Variants in SH3BP5L observed in about 807,000 individuals in gnomAD.
The protein encoded by SH3BP5L is SH3 binding domain protein 5 like.
In SH3BP5L, 16 loss-of-function variants were observed where a neutral mutation model predicts 40.9. The ratio of observed to expected loss-of-function variants is 0.39; its 90% CI spans 0.27 to 0.59. The LOEUF (loss-of-function observed/expected upper bound fraction) is 0.59, where lower values mean the gene tolerates loss of function less well. SH3BP5L is among the 20% of genes least tolerant of loss of function. SH3BP5L has a pLI of 0.53. For missense variants in SH3BP5L, 471 were observed against 544.6 expected (o/e 0.86, Z 1.35); for synonymous variants, 229 against 226.7 (o/e 1.01, Z -0.09).
intron 2 of SH3BP5L, among the ~76,000 whole-genome samples, chr1:248,817,896 A>G (rs1192554385): frequency 6.6e-6 from 1 of 152,168 alleles, no homozygotes; most frequent in Non-Finnish European, 1.5e-5. Flanking sequence ...CAAGGAACCA[A>G]AGGGGAGCAG....
chr1:248,825,881 T>TGCCCCCCCCCCC lies in SH3BP5L; in HGVS notation c.-479_-478insGGGGGGGGGGGC. On this transcript the variant is annotated 5_prime_UTR_variant, in exon 1 of 7. Transcript: ENST00000366472. The stretch of plus-strand genomic sequence containing the variant: ...CGGAGCTTCTATGCTGCAAACAATC[T>TGCCCCCCCCCCC]CCCCCCCTCCCTCCCCGCAACAAGC... The TGCCCCCCCCCCC allele has an allele frequency of 6.4e-6, 6 of 941,882 alleles. No homozygotes were observed. Among genetic ancestry groups the TGCCCCCCCCCCC allele is most frequent in the Non-Finnish European group, 7.6e-6 (6 of 794,232 alleles). The allele number at this position is 941,882 out of a possible 1,614,324, so 58.3% of individuals were successfully genotyped here.
chr1:248,818,402 G>T (rs1664165286), intron 2 of SH3BP5L, among the ~76,000 whole-genome samples: 1 of 152,066 alleles, frequency 6.6e-6, no homozygotes, highest in South Asian at 2.1e-4. Flanking sequence ...AGTATTCCAG[G>T]TGGCAGAGGA....
At chr1:248,823,351 C>G (rs1006708230) in intron 2 of SH3BP5L, among the ~76,000 whole-genome samples, 4 of 152,160 alleles carry the variant, frequency 2.6e-5, no homozygotes, top group Non-Finnish European at 5.9e-5. Context: ...ATGAGTTGTG[C>G]AAATCAGCTA....
chr1:248,814,569 C>T lies in SH3BP5L; in HGVS notation c.417G>A (p.Arg139=). ...ETQKAALRYE[R]AVSMHNAARE... Reference sequence around the variant, plus strand: ...GAGCAGCGTTGTGCATGCTTACGGCCCGCTCGTACCGCAGCGCTGCCTTCT... The same window carrying T: ...GAGCAGCGTTGTGCATGCTTACGGCTCGCTCGTACCGCAGCGCTGCCTTCT... Residue 139 remains arginine (R), a synonymous_variant, in exon 5 of 7, where the codon CGG becomes CGA. Coordinates refer to ENST00000366472, the MANE Select transcript of SH3BP5L (RefSeq NM_030645.3). 6.2e-7 allele frequency: 1 copy of T among 1,614,186 alleles called. No homozygotes were observed. The highest frequency in any genetic ancestry group is 8.5e-7 in the Non-Finnish European group (1 of 1,180,032).
At position 248,812,150 on chromosome 1, in the gene SH3BP5L, GC is replaced by G. The variant is rs747449676; in HGVS notation, c.931del (p.Ala311ProfsTer23). The G allele has an allele frequency of 6.2e-7, 1 of 1,600,402 alleles. No individual in the cohort carries two copies. The highest frequency in any genetic ancestry group is 8.5e-7 in the Non-Finnish European group (1 of 1,173,378). On this transcript the variant is annotated frameshift_variant, in exon 7 of 7. Transcript: ENST00000366472. LOFTEE classifies it high-confidence loss of function. The surrounding 1 kb of genome is among the most constrained non-coding windows in gnomAD (Gnocchi z 6.1). ...GCCCTCCTCCAGCCCCGCACCCTCGGCCCCCTCAATCCCGCTGTCTCCGTCC... is the reference window on the plus strand; with the variant it reads ...GCCCTCCTCCAGCCCCGCACCCTCGGCCCCTCAATCCCGCTGTCTCCGTCC... ...MEDGDSGIEGAEGAGLEEGSS... is the reference protein window; with the variant it reads ...MEDGDSGIEGXEGAGLEEGSS...
chr1:248,811,907 C>A lies in SH3BP5L; in HGVS notation c.1175G>T (p.Ser392Ile). Residue 392 changes from serine (S) to isoleucine (I), a missense_variant, in exon 7 of 7, where the codon AGC (serine) becomes ATC (isoleucine). Coordinates refer to ENST00000366472, the MANE Select transcript of SH3BP5L (RefSeq NM_030645.3). ...ARGGRHQRSVSL is the reference protein window; with the variant it reads ...ARGGRHQRSVIL ...GGAACCCTGGCCCCTCGGCTACAGG[C>A]TGACGCTGCGCTGGTGCCGACCCCC... 6.5e-7 allele frequency: 1 copy of A among 1,527,966 alleles called. No homozygotes were observed. 94.7% of individuals were successfully genotyped at this position (1,527,966 alleles called of 1,614,324 possible). A position where few individuals can be genotyped will look rare whatever the true frequency, so the allele number is the denominator to read the frequency against.
In SH3BP5L at chr1:248,824,975, A is replaced by C; in HGVS notation, c.-40T>G. 1 of 1,573,406 alleles carries C rather than the reference A, an allele frequency of 6.4e-7. No homozygotes were observed. The highest frequency in any genetic ancestry group is 1.2e-5 in the South Asian group (1 of 85,890). On this transcript the variant is annotated 5_prime_UTR_variant, in exon 2 of 7. Transcript: ENST00000366472. ...GGCAGAGCCCTATGCACAAGAGAGG[A>C]CTGACATGCTGGGACCAGGGCCCCA...
At chr1:248,824,187 T>C (rs1664315918) in intron 2 of SH3BP5L, among the ~76,000 whole-genome samples, 1 of 152,198 alleles carries the variant, frequency 6.6e-6, no homozygotes, top group Non-Finnish European at 1.5e-5. Context: ...ACATATGGGG[T>C]TTCTTTATAG....
chr1:248,823,922 A>C (rs1213774155), intron 2 of SH3BP5L, among the ~76,000 whole-genome samples: 1 of 152,218 alleles, frequency 6.6e-6, no homozygotes, highest in African/African-American at 2.4e-5. Context: ...CTTCCTCAGG[A>C]AGTCATTCTC....
chr1:248,812,070 G>A lies in SH3BP5L; in HGVS notation c.1012C>T (p.Leu338=), dbSNP rs746769295. 3.1e-6 allele frequency: 5 copies of A among 1,613,038 alleles called. No individual in the cohort carries two copies. Among genetic ancestry groups the A allele is most frequent in the Non-Finnish European group, 4.2e-6 (5 of 1,179,636 alleles). Residue 338 remains leucine (L), a synonymous_variant, in exon 7 of 7, where the codon CTG becomes TTG. Coordinates refer to ENST00000366472, the MANE Select transcript of SH3BP5L (RefSeq NM_030645.3). The surrounding 1 kb of genome is among the most constrained non-coding windows in gnomAD (Gnocchi z 6.1). Reference sequence around the variant, plus strand: ...TGCAGGTCTGAAGCCACCGTGCGCAGGCTCAGCAGACTCAGGGTATCGGTG... The same window carrying A: ...TGCAGGTCTGAAGCCACCGTGCGCAAGCTCAGCAGACTCAGGGTATCGGTG... ...PDTDTLSLLS[L]RTVASDLQKC...
intron 5 of SH3BP5L, chr1:248,813,833 A>G: frequency 6.3e-6 from 1 of 158,900 alleles, no homozygotes; most frequent in Non-Finnish European, 1.4e-5. Context: ...CCATCCCCTA[A>G]CCCCTCCCCC....
rs1664106222 is a variant in SH3BP5L at position 248,816,427 on chromosome 1, T to A, written c.375+107A>T. ...CGACCAGCCAGGTCTAGCCCAGGGCTCTGCCCTCAGGGTCTGGTGTTTTGT... is the reference window on the plus strand; with the variant it reads ...CGACCAGCCAGGTCTAGCCCAGGGCACTGCCCTCAGGGTCTGGTGTTTTGT... On this transcript the variant is annotated intron_variant, in intron 4 of 6. Transcript: ENST00000366472. The A allele has an allele frequency of 4.8e-6, 7 of 1,458,542 alleles. No individual in the cohort carries two copies. In the South Asian group the frequency reaches 8.4e-5, roughly 18 times the overall value. The allele number at this position is 1,458,542 out of a possible 1,614,324, so 90.4% of individuals were successfully genotyped here.
chr1:248,820,551 C>A (rs968656570), intron 2 of SH3BP5L: 1 of 152,176 alleles, frequency 6.6e-6, no homozygotes, highest in African/African-American at 2.4e-5. Flanking sequence ...AACAACCAGG[C>A]GGAAAATTAG....
chr1:248,816,754 T>G, intron 3 of SH3BP5L, 68 bp downstream of exon 3: 1 of 1,612,632 alleles, frequency 6.2e-7, no homozygotes, highest in Non-Finnish European at 8.5e-7. Context: ...ACTGCCTCAA[T>G]CTGGGAAAGA....
chr1:248,824,659 G>A, intron 2 of SH3BP5L, 94 bp downstream of exon 2: 1 of 1,443,638 alleles, frequency 6.9e-7, no homozygotes, highest in Non-Finnish European at 9.4e-7. Flanking sequence ...CAGCAGACTG[G>A]GGACAGAGTA....
At chr1:248,820,698 AG>A (rs1435419037) in intron 2 of SH3BP5L, 2 of 152,212 alleles carry the variant, frequency 1.3e-5, no homozygotes, top group Non-Finnish European at 2.9e-5. Context: ...GGAAAACCAC[AG>A]CCCACGTAGG....
At chr1:248,814,660 C>G in intron 4 of SH3BP5L, 50 bp from the exon 5 acceptor site, 1 of 1,582,116 alleles carries the variant, frequency 6.3e-7, no homozygotes, top group Non-Finnish European at 8.7e-7. Context: ...ACCCCAGCTG[C>G]CCATGGAGAC....
At chr1:248,816,192 G>A (rs534460276) in intron 4 of SH3BP5L, 1 of 218,224 alleles carries the variant, frequency 4.6e-6, no homozygotes, top group East Asian at 1.0e-4. Flanking sequence ...TGAACCAAAG[G>A]GAAGAGGAAA....
At chr1:248,815,725 C>T (rs1664088773) in intron 4 of SH3BP5L, among the ~76,000 whole-genome samples, 1 of 152,214 alleles carries the variant, frequency 6.6e-6, no homozygotes, top group Admixed American at 6.5e-5. Context: ...GAGGCCGCCC[C>T]TATAGCCCAG....
Sources: gnomAD v4.1 joint callset for allele counts (sites outside exome capture counted in the v4.1 genomes callset) on GRCh38, gnomAD v4.1.1 for gene constraint, Gnocchi (gnomAD v3.1) non-coding constraint, MANE v1.5 for transcripts, NCBI Gene and HGNC (gene_info 2026-07-23, HGNC 2026-07-21) for gene names.